Variants in HS6ST2 observed in about 807,000 individuals in gnomAD.
HS6ST2 encodes the protein heparan sulfate 6-O-sulfotransferase 2.
Under a neutral mutation model 33.0 loss-of-function variants are expected in HS6ST2, and 17 were observed. That is an observed-to-expected ratio of 0.52 (90% CI 0.35 to 0.77). HS6ST2 has a LOEUF of 0.77. HS6ST2 is among the 30% of genes least tolerant of loss of function. The probability of loss-of-function intolerance (pLI) is 0.01; values close to 1 mark genes in which losing one functional copy is unlikely to be tolerated. For missense variants in HS6ST2, 519 were observed against 551.7 expected, an observed-to-expected ratio of 0.94 and a Z score of 0.59; for synonymous variants, 248 against 237.1, an observed-to-expected ratio of 1.05 and a Z score of -0.42.
chrX:132,822,993 T>C (rs1345128330), intron 2 of HS6ST2, among the ~76,000 whole-genome samples: 1 of 112,790 alleles, frequency 8.9e-6, no homozygotes, highest in African/African-American at 3.2e-5. Context: ...ACAAGGCCCA[T>C]GGAACATGGA....
At chrX:132,662,702 C>T (rs1336352732) in intron 4 of HS6ST2, among the ~76,000 whole-genome samples, 1 of 112,343 alleles carries the variant, frequency 8.9e-6, no homozygotes, top group South Asian at 3.7e-4. Flanking sequence ...TACTGTATAT[C>T]CTAACCATCA....
intron 2 of HS6ST2, among the ~76,000 whole-genome samples, chrX:132,716,801 A>T (rs2064277680): frequency 8.9e-6 from 1 of 112,282 alleles, no homozygotes; most frequent in Non-Finnish European, 1.9e-5. Context: ...ATTTTATCCC[A>T]TTTCATTTCC....
intron 2 of HS6ST2, among the ~76,000 whole-genome samples, chrX:132,775,653 A>G (rs2064950423): frequency 8.9e-6 from 1 of 112,152 alleles, no homozygotes; most frequent in African/African-American, 3.2e-5. Context: ...TGCCAAGGCC[A>G]CATCATTGTA....
chrX:132,943,197 G>A (rs2066906451), intron 2 of HS6ST2, among the ~76,000 whole-genome samples: 1 of 111,450 alleles, frequency 9.0e-6, no homozygotes, highest in African/African-American at 3.3e-5. Context: ...GTTACTTCAG[G>A]TCTCCATTCC....
chrX:132,728,196 T>G (rs6654649), intron 2 of HS6ST2, among the ~76,000 whole-genome samples: 1,507 of 112,160 alleles, frequency 0.013, 28 homozygotes, highest in African/African-American at 0.047. Context: ...TACTCTAACT[T>G]TCTGAGAAAC....
chrX:132,819,383 T>C (rs1401998633), intron 2 of HS6ST2, among the ~76,000 whole-genome samples: 1 of 111,476 alleles, frequency 9.0e-6, no homozygotes, highest in Admixed American at 9.6e-5. Flanking sequence ...AAACCTGGGA[T>C]TCACCAGCTT....
intron 2 of HS6ST2, among the ~76,000 whole-genome samples, chrX:132,888,174 G>A (rs1053471149): frequency 2.0e-4 from 22 of 111,258 alleles, no homozygotes; most frequent in Non-Finnish European, 3.8e-4. Flanking sequence ...GTTTGTATTC[G>A]TCTGTTCTCA....
intron 2 of HS6ST2, among the ~76,000 whole-genome samples, chrX:132,715,207 G>T (rs899871854): frequency 1.8e-5 from 2 of 111,440 alleles, no homozygotes; most frequent in Admixed American, 9.5e-5. Flanking sequence ...AGCCAAGGTG[G>T]GAGGAACTCT....
intron 4 of HS6ST2, among the ~76,000 whole-genome samples, chrX:132,637,828 T>TTA (rs1245273231): frequency 5.1e-5 from 3 of 58,521 alleles, no homozygotes; most frequent in Admixed American, 5.7e-4. Context: ...ATATATAATA[T>TTA]TATATATAAT....
intron 2 of HS6ST2, among the ~76,000 whole-genome samples, chrX:132,911,656 T>C (rs1328687907): frequency 4.8e-5 from 4 of 83,331 alleles, no homozygotes; most frequent in African/African-American, 1.8e-4. Context: ...TTTTTTTTTT[T>C]GAGACGGAGT....
At chrX:132,956,396 G>A (rs1366180034) in intron 2 of HS6ST2, among the ~76,000 whole-genome samples, 3 of 110,952 alleles carry the variant, frequency 2.7e-5, no homozygotes, top group Admixed American at 1.9e-4. Flanking sequence ...GGAAGAGAGC[G>A]CTGAAAGGAG....
At chrX:132,877,376 G>A (rs1386203604) in intron 2 of HS6ST2, among the ~76,000 whole-genome samples, 2 of 112,274 alleles carry the variant, frequency 1.8e-5, no homozygotes, top group Non-Finnish European at 3.8e-5. Flanking sequence ...AGGTTTGCAC[G>A]TATATTCGTT....
intron 2 of HS6ST2, among the ~76,000 whole-genome samples, chrX:132,918,555 T>C (rs140364103): frequency 9.0e-6 from 1 of 111,480 alleles, no homozygotes; most frequent in Non-Finnish European, 1.9e-5. Flanking sequence ...AGATGGGAGG[T>C]ATTTTCCCCT....
intron 2 of HS6ST2, among the ~76,000 whole-genome samples, chrX:132,779,049 C>T (rs1346733869): frequency 8.0e-5 from 9 of 111,929 alleles, no homozygotes; most frequent in African/African-American, 2.6e-4. Context: ...GCCTGAGCAG[C>T]ACAGGGAAAA....
chrX:132,896,752 T>C (rs1053450037), intron 2 of HS6ST2, among the ~76,000 whole-genome samples: 2 of 111,958 alleles, frequency 1.8e-5, no homozygotes, highest in African/African-American at 6.5e-5. Context: ...GAAACACTGA[T>C]TGTCTCAAAA....
chrX:132,634,175 C>T (rs1159522128), intron 4 of HS6ST2, among the ~76,000 whole-genome samples: 1 of 112,263 alleles, frequency 8.9e-6, no homozygotes, highest in Non-Finnish European at 1.9e-5. Flanking sequence ...ACCATACTTT[C>T]CTGTTCCTGT....
intron 2 of HS6ST2, among the ~76,000 whole-genome samples, chrX:132,888,825 A>G (rs1401073280): frequency 9.0e-6 from 1 of 110,839 alleles, no homozygotes. Flanking sequence ...ATTTTATGGT[A>G]TATAATTCAT....
chrX:132,884,437 T>C (rs1278859655), intron 2 of HS6ST2, among the ~76,000 whole-genome samples: 1 of 111,561 alleles, frequency 9.0e-6, no homozygotes, highest in African/African-American at 3.3e-5. Context: ...GCTCTGGGGA[T>C]GCAAGAATGA....
intron 2 of HS6ST2, among the ~76,000 whole-genome samples, chrX:132,750,480 C>A (rs1187244004): frequency 9.0e-6 from 1 of 110,832 alleles, no homozygotes; most frequent in Non-Finnish European, 1.9e-5. Context: ...ACTTTTAAAA[C>A]TACAACAATA....
Sources: allele counts gnomAD v4.1 joint callset (sites outside exome capture counted in the v4.1 genomes callset), GRCh38; gene constraint gnomAD v4.1.1; transcripts MANE v1.5; gene names NCBI Gene and HGNC (gene_info 2026-07-23, HGNC 2026-07-21).